The following RAPGEF2 variants were observed in gnomAD, a reference collection of about 807,000 sequenced individuals.
RAPGEF2 encodes PDZ domain containing guanine nucleotide exchange factor (GEF) 1.
Under a neutral mutation model 186.7 loss-of-function variants are expected in RAPGEF2, and 54 were observed. That is an observed-to-expected ratio of 0.29 (90% CI 0.23 to 0.36). The LOEUF is 0.36. Ranked by LOEUF, RAPGEF2 falls within the 10% of genes least tolerant of loss-of-function variation. The pLI is 1.00. For missense variants in RAPGEF2, 1,532 were observed against 2,045.0 expected, an observed-to-expected ratio of 0.75 and a Z score of 4.84; for synonymous variants, 712 against 705.9, an observed-to-expected ratio of 1.01 and a Z score of -0.14.
intron 7 of RAPGEF2, among the ~76,000 whole-genome samples, chr4:159,289,348 G>T (rs559173294): frequency 1.6e-4 from 25 of 152,302 alleles, no homozygotes; most frequent in Non-Finnish European, 2.9e-4. Flanking sequence ...GAGTTCAGAA[G>T]TTTTGTCATT....
chr4:159,221,695 A>G (rs1040000850), intron 4 of RAPGEF2, among the ~76,000 whole-genome samples: 7 of 152,212 alleles, frequency 4.6e-5, no homozygotes, highest in African/African-American at 1.2e-4. Context: ...CTTACATTCT[A>G]CATTGGCTTA....
chr4:159,215,288 T>C (rs1339178156), intron 4 of RAPGEF2, among the ~76,000 whole-genome samples: 2 of 152,142 alleles, frequency 1.3e-5, no homozygotes, highest in Admixed American at 1.3e-4. Context: ...TCCTGTCTCC[T>C]CAGCCTCCCA....
intron 14 of RAPGEF2, 40 bp from the exon 15 acceptor site, chr4:159,331,590 C>T (rs1225789888): frequency 1.2e-6 from 2 of 1,610,722 alleles, no homozygotes; most frequent in Non-Finnish European, 1.7e-6. Context: ...TTTATTCAGC[C>T]TGTTCTTGAG....
chr4:159,145,786 A>C (rs1648346494), intron 1 of RAPGEF2, among the ~76,000 whole-genome samples: 1 of 152,198 alleles, frequency 6.6e-6, no homozygotes, highest in South Asian at 2.1e-4. Flanking sequence ...GGAGGTACCA[A>C]GGGCTGAGCA....
chr4:159,270,241 G>T (rs1405586148), intron 7 of RAPGEF2, among the ~76,000 whole-genome samples: 1 of 152,144 alleles, frequency 6.6e-6, no homozygotes, highest in African/African-American at 2.4e-5. Context: ...TATTGAGTTT[G>T]CTGTGTAATA....
At chr4:159,187,221 A>G (rs1420667334) in intron 2 of RAPGEF2, among the ~76,000 whole-genome samples, 1 of 152,228 alleles carries the variant, frequency 6.6e-6, no homozygotes, top group East Asian at 1.9e-4. Flanking sequence ...CAGTAAGAGA[A>G]TAATATTTTG....
intron 1 of RAPGEF2, among the ~76,000 whole-genome samples, chr4:159,141,627 T>C (rs1006390828): frequency 2.0e-5 from 3 of 151,998 alleles, no homozygotes; most frequent in Non-Finnish European, 4.4e-5. Context: ...TTGGTAGATA[T>C]TGCCAAATGG....
At chr4:159,143,605 A>G (rs1742588770) in intron 1 of RAPGEF2, among the ~76,000 whole-genome samples, 1 of 151,988 alleles carries the variant, frequency 6.6e-6, no homozygotes, top group Non-Finnish European at 1.5e-5. Context: ...GTCAAATGTA[A>G]TTTTTTCTTT....
chr4:159,108,463 A>G (rs947867253), intron 1 of RAPGEF2, among the ~76,000 whole-genome samples: 4 of 151,920 alleles, frequency 2.6e-5, no homozygotes, highest in Non-Finnish European at 4.4e-5. Flanking sequence ...AATAAAAACA[A>G]AACTAGTTAT....
chr4:159,347,706 C>T (rs1200348377), intron 25 of RAPGEF2, among the ~76,000 whole-genome samples: 1 of 152,188 alleles, frequency 6.6e-6, no homozygotes, highest in African/African-American at 2.4e-5. Flanking sequence ...ATGGCGTGAA[C>T]CCGGGAGGGG....
intron 6 of RAPGEF2, among the ~76,000 whole-genome samples, chr4:159,241,903 A>C (rs1754055046): frequency 6.6e-6 from 1 of 152,040 alleles, no homozygotes; most frequent in Non-Finnish European, 1.5e-5. Flanking sequence ...TATCTCTGAG[A>C]TTTATTTTTT....
intron 7 of RAPGEF2, among the ~76,000 whole-genome samples, chr4:159,278,096 T>G (rs1579730023): frequency 6.6e-6 from 1 of 152,326 alleles, no homozygotes. Context: ...TTTAAGTCTT[T>G]AATCCATCTC....
chr4:159,311,724 C>T (rs1171725488), intron 8 of RAPGEF2, among the ~76,000 whole-genome samples: 2 of 152,146 alleles, frequency 1.3e-5, no homozygotes, highest in Non-Finnish European at 2.9e-5. Flanking sequence ...TAGTACTCCT[C>T]CTGGAGACCA....
intron 13 of RAPGEF2, among the ~76,000 whole-genome samples, chr4:159,331,200 C>T (rs1447779782): frequency 6.6e-6 from 1 of 152,142 alleles, no homozygotes; most frequent in East Asian, 1.9e-4. Flanking sequence ...AAGTTAAATA[C>T]CTTCACAGAC....
chr4:159,329,755 G>T (rs148775088), intron 11 of RAPGEF2, 103 bp from the exon 12 acceptor site: 3 of 924,140 alleles, frequency 3.2e-6, no homozygotes, highest in Non-Finnish European at 3.2e-6. Flanking sequence ...GGGAAAGACA[G>T]GGAAAAATGT....
At chr4:159,211,597 G>C (rs979879481) in intron 4 of RAPGEF2, among the ~76,000 whole-genome samples, 1 of 152,238 alleles carries the variant, frequency 6.6e-6, no homozygotes, top group African/African-American at 2.4e-5. Context: ...TAAAAGGTCA[G>C]AGTCTGAAAC....
intron 1 of RAPGEF2, among the ~76,000 whole-genome samples, chr4:159,144,877 C>CTTTTTTTT (rs1305914652): frequency 2.6e-5 from 2 of 77,632 alleles, no homozygotes; most frequent in African/African-American, 9.4e-5. Flanking sequence ...TTCTTTCTTC[C>CTTTTTTTT]TGTTTTTTTT....
chr4:159,235,671 T>G (rs775503716), intron 4 of RAPGEF2, among the ~76,000 whole-genome samples: 4 of 152,244 alleles, frequency 2.6e-5, no homozygotes, highest in African/African-American at 7.2e-5. Context: ...TCTGTTGCCT[T>G]TAAGTCTGTC....
chr4:159,164,068 A>G (rs1745011453), intron 1 of RAPGEF2, among the ~76,000 whole-genome samples: 1 of 151,350 alleles, frequency 6.6e-6, no homozygotes, highest in Non-Finnish European at 1.5e-5. Context: ...GCAGTGGCGC[A>G]ATCTCAGCTC....
Sources: gnomAD v4.1 joint callset for allele counts (sites outside exome capture counted in the v4.1 genomes callset) on GRCh38, gnomAD v4.1.1 for gene constraint, MANE v1.5 for transcripts, NCBI Gene and HGNC (gene_info 2026-07-23, HGNC 2026-07-21) for gene names.